The following SLC26A4 variants were observed in gnomAD, a reference collection of about 807,000 sequenced individuals.
The protein encoded by SLC26A4 is pendrin.
In SLC26A4, 93 loss-of-function variants were observed where a neutral mutation model predicts 90.4. The observed-to-expected ratio is 1.03, with a 90% CI of 0.87 to 1.22. The LOEUF (loss-of-function observed/expected upper bound fraction) is 1.22, where lower values mean the gene tolerates loss of function less well. Among genes scored for constraint, SLC26A4 ranks in the 50% most tolerant of loss-of-function variants. The pLI, the probability that SLC26A4 is intolerant of heterozygous loss-of-function variation, is 0.00. For synonymous variants in SLC26A4, 393 were observed against 354.6 expected (o/e 1.11, Z -1.22); for missense variants, 1,127 against 946.2 (o/e 1.19, Z -2.51).
chr7:107,715,047 A>G (rs1288875201), intron 20 of SLC26A4, among the ~76,000 whole-genome samples: 3 of 137,856 alleles, frequency 2.2e-5, no homozygotes, highest in Non-Finnish European at 4.7e-5. Flanking sequence ...TAACATGGTA[A>G]CCCCCCGACC....
chr7:107,669,006 G>A (rs1395584372), intron 3 of SLC26A4, among the ~76,000 whole-genome samples: 1 of 151,948 alleles, frequency 6.6e-6, no homozygotes, highest in Non-Finnish European at 1.5e-5. Context: ...CACACAGGCT[G>A]GAGTGTAGTG....
intron 10 of SLC26A4, 137 bp downstream of exon 10, chr7:107,690,374 T>G: frequency 1.5e-6 from 1 of 681,512 alleles, no homozygotes; most frequent in Non-Finnish European, 2.7e-6. Context: ...CTCAGGCCTA[T>G]TCCTCTTGTT....
chr7:107,694,657 G>A lies in SLC26A4; in HGVS notation c.1378G>A (p.Gly460Arg), dbSNP rs1791687808. ...LAAVVIANLK[G>R]MFMQLCDIPR... ...AGCTGTTGTAATTGCCAACCTGAAA[G>A]GGATGTTTATGCAGCTGTGTGACAT... Residue 460 changes from glycine (G) to arginine (R), a missense_variant, in exon 12 of 21, where the codon GGG (glycine) becomes AGG (arginine). Physicochemically the swap from Gly to Arg is moderately radical, Grantham distance 125. Coordinates refer to ENST00000644269, the MANE Select transcript of SLC26A4 (RefSeq NM_000441.2). The A allele has an allele frequency of 6.2e-7, 1 of 1,613,668 alleles. No homozygotes were observed. The highest frequency in any genetic ancestry group is 8.5e-7 in the Non-Finnish European group (1 of 1,179,740).
intron 13 of SLC26A4, 107 bp from the exon 14 acceptor site, chr7:107,697,935 G>A (rs2129317500): frequency 1.3e-6 from 1 of 757,416 alleles, no homozygotes; most frequent in South Asian, 1.4e-5. Context: ...TAAAGACAGA[G>A]TCCAAAACAC....
rs1266512007 is a variant in SLC26A4, at chr7:107,661,329, TA to T, written c.-3-309del. The T allele has an allele frequency of 7.6e-5, 37 of 487,758 alleles. No homozygotes were observed. The highest frequency in any genetic ancestry group is 5.4e-4 in the African/African-American group (27 of 50,058). 30.2% of individuals were successfully genotyped at this position (487,758 alleles called of 1,614,324 possible). A position where few individuals can be genotyped will look rare whatever the true frequency, so the allele number is the denominator to read the frequency against. ...CGGACAGCGCCCTGGCTGCGGGCCA[TA>T]GGGGACTGGGTGGAACTCGGGAAGC... On this transcript the variant is annotated intron_variant, in intron 1 of 20. Coordinates refer to ENST00000644269, the MANE Select transcript of SLC26A4 (RefSeq NM_000441.2). The surrounding 1 kb of genome is among the most constrained non-coding windows in gnomAD (Gnocchi z 5.1).
intron 14 of SLC26A4, among the ~76,000 whole-genome samples, 167 bp downstream of exon 14, chr7:107,698,278 C>T (rs1791795994): frequency 6.6e-6 from 1 of 151,944 alleles, no homozygotes; most frequent in Non-Finnish European, 1.5e-5. Context: ...CCTTCTGACA[C>T]CCATGGCTTA....
chr7:107,667,297 T>C (rs1790742212), intron 3 of SLC26A4, among the ~76,000 whole-genome samples: 1 of 151,878 alleles, frequency 6.6e-6, no homozygotes, highest in Admixed American at 6.6e-5. Flanking sequence ...TGCCTGTGAT[T>C]ACCTAGGAAG....
In SLC26A4 at chr7:107,704,386, G is replaced by A. The variant is rs727503430; in HGVS notation, c.2089+1G>A. ...AATGTGTATTTTGCATCACTTCAAG[G>A]TAAATACATATATCTACATATCTAC... On this transcript the variant is annotated splice_donor_variant, in intron 18 of 20. Transcript: ENST00000644269. LOFTEE classifies it high-confidence loss of function. 8.0e-6 allele frequency: 10 copies of A among 1,253,828 alleles called. No homozygotes were observed. The highest frequency in any genetic ancestry group is 7.4e-5 in the African/African-American group (5 of 68,018). The allele number at this position is 1,253,828 out of a possible 1,614,324, so 77.7% of individuals were successfully genotyped here.
chr7:107,688,106 T>C (rs1352380359), intron 8 of SLC26A4, among the ~76,000 whole-genome samples: 3 of 152,182 alleles, frequency 2.0e-5, no homozygotes, highest in African/African-American at 7.2e-5. Flanking sequence ...AGCAAATCAC[T>C]TCACGTTTCC....
chr7:107,698,733 G>T (rs538612607), intron 14 of SLC26A4, among the ~76,000 whole-genome samples: 1 of 152,150 alleles, frequency 6.6e-6, no homozygotes, highest in African/African-American at 2.4e-5. Flanking sequence ...TCTTCTGTAA[G>T]ATTTTCTTTA....
At chr7:107,710,587 G>A (rs918869621) in intron 19 of SLC26A4, among the ~76,000 whole-genome samples, 1 of 152,264 alleles carries the variant, frequency 6.6e-6, no homozygotes, top group African/African-American at 2.4e-5. Flanking sequence ...AATTATAAAT[G>A]TCTTTAAACA....
In SLC26A4 at chr7:107,694,423, T is replaced by C; in HGVS notation, c.1284T>C (p.Ala428=). 6.2e-7 allele frequency: 1 copy of C among 1,613,618 alleles called. No homozygotes were observed. The highest frequency in any genetic ancestry group is 8.5e-7 in the Non-Finnish European group (1 of 1,179,606). ...GKTQVAGIIS[A]AIVMIAILAL... is the part of the protein sequence containing the mutation. ...TCCAGGTTGCTGGCATCATCTCTGC[T>C]GCGATTGTGATGATCGCCATTCTTG... Residue 428 remains alanine, a synonymous_variant, in exon 11 of 21, where the codon GCT becomes GCC. Transcript: ENST00000644269.
In SLC26A4 at chr7:107,716,535, T is replaced by C. The variant is rs572059675; in HGVS notation, c.*1089T>C. 2 of 152,354 alleles carry C rather than the reference T, an allele frequency of 1.3e-5. No individual in the cohort carries two copies. Among genetic ancestry groups the C allele is most frequent in the African/African-American group, 4.8e-5 (2 of 41,590 alleles). The allele number at this position is 152,354 out of a possible 1,614,324, so 9.4% of individuals were successfully genotyped here. A position where few individuals can be genotyped will look rare whatever the true frequency, so the allele number is the denominator to read the frequency against. ...TCAATATAAAAACATTCATTTGGAA[T>C]GTACATACTGAAAAATACAGGTTTT... On this transcript the variant is annotated 3_prime_UTR_variant, in exon 21 of 21. Coordinates refer to ENST00000644269, the MANE Select transcript of SLC26A4 (RefSeq NM_000441.2).
At chr7:107,673,315 C>G (rs1436175649) in intron 4 of SLC26A4, among the ~76,000 whole-genome samples, 2 of 151,864 alleles carry the variant, frequency 1.3e-5, no homozygotes, top group Admixed American at 6.6e-5. Context: ...TAAAATCTTA[C>G]AGATTGACAT....
chr7:107,680,078 T>TTCTTATCTTATTATATAA (rs1791164828), intron 6 of SLC26A4, among the ~76,000 whole-genome samples: 1 of 117,056 alleles, frequency 8.5e-6, no homozygotes, highest in Non-Finnish European at 1.6e-5. Flanking sequence ...ATATAATATA[T>TTCTTATCTTATTATATAA]TCTTATCTTA....
At chr7:107,707,135 T>C (rs562010458) in intron 18 of SLC26A4, among the ~76,000 whole-genome samples, 1 of 151,776 alleles carries the variant, frequency 6.6e-6, no homozygotes, top group African/African-American at 2.4e-5. Flanking sequence ...AGACCCTGTC[T>C]CAAAAAATAA....
rs1332254101 is a variant in SLC26A4 at position 107,715,591 on chromosome 7, T to C, written c.*145T>C. Reference sequence around the variant, plus strand: ...GCACTAAGACTGCTTCTAGGCTTTATTTATAAAATAAACACCTTATCCCTA... The same window carrying C: ...GCACTAAGACTGCTTCTAGGCTTTACTTATAAAATAAACACCTTATCCCTA... On this transcript the variant is annotated 3_prime_UTR_variant, in exon 21 of 21. Coordinates refer to ENST00000644269, the MANE Select transcript of SLC26A4 (RefSeq NM_000441.2). 2 of 744,508 alleles carry C rather than the reference T, an allele frequency of 2.7e-6. No individual in the cohort carries two copies. Among genetic ancestry groups the C allele is most frequent in the East Asian group, 2.5e-5 (1 of 39,688 alleles). The allele number at this position is 744,508 out of a possible 1,614,324, so 46.1% of individuals were successfully genotyped here.
chr7:107,674,774 G>A (rs576494556), intron 5 of SLC26A4, among the ~76,000 whole-genome samples, 171 bp from the exon 6 acceptor site: 1 of 152,296 alleles, frequency 6.6e-6, no homozygotes, highest in East Asian at 1.9e-4. Context: ...AGTGGTGGAG[G>A]AAGGGGAGTG....
intron 4 of SLC26A4, 78 bp from the exon 5 acceptor site, chr7:107,674,086 A>C: frequency 7.1e-7 from 1 of 1,406,824 alleles, no homozygotes; most frequent in Non-Finnish European, 1.0e-6. Flanking sequence ...TCTTTTATAC[A>C]TTTTTTAAAC....
Sources: allele counts gnomAD v4.1 joint callset (sites outside exome capture counted in the v4.1 genomes callset), GRCh38; gene constraint gnomAD v4.1.1; non-coding constraint Gnocchi (gnomAD v3.1); transcripts MANE v1.5; gene names NCBI Gene and HGNC (gene_info 2026-07-23, HGNC 2026-07-21).